SLC9C1: variants seen among roughly 807,000 people sequenced by gnomAD.
SLC9C1 encodes solute carrier family 9 member C1, also known as sodium/hydrogen exchanger 10.
Under a neutral mutation model 140.9 loss-of-function variants are expected in SLC9C1, and 97 were observed. That is an observed-to-expected ratio of 0.69 (90% CI 0.58 to 0.82). The LOEUF is 0.82. SLC9C1 is among the 40% of genes least tolerant of loss of function. The pLI is 0.00. For missense variants in SLC9C1, 1,340 were observed against 1,389.3 expected, an observed-to-expected ratio of 0.96 and a Z score of 0.56; for synonymous variants, 440 against 442.6, an observed-to-expected ratio of 0.99 and a Z score of 0.07.
intron 12 of SLC9C1, among the ~76,000 whole-genome samples, chr3:112,237,223 C>A (rs1414528111): frequency 6.6e-6 from 1 of 152,134 alleles, no homozygotes; most frequent in Non-Finnish European, 1.5e-5. Flanking sequence ...TATGTAATGG[C>A]CTTCTTTGTC....
chr3:112,268,847 T>C lies in SLC9C1; in HGVS notation c.775+1069A>G, dbSNP rs1339593579. ...TAGTACAGGTGAGGTAACTAGGTGT[T>C]ATCTTGCATGTCAATTCCAAATCAT... On this transcript the variant is annotated intron_variant, in intron 7 of 28. Transcript: ENST00000305815. 2.6e-5 allele frequency among the ~76,000 whole-genome samples: 4 copies of C among 152,332 alleles called. 1 individual carries two copies. Among genetic ancestry groups the C allele is most frequent in the South Asian group, 4.1e-4 (2 of 4,826 alleles).
Position 112,231,352 on chromosome 3 carries a change from A to G in SLC9C1, c.1572+9T>C. 6.2e-7 allele frequency: 1 copy of G among 1,612,584 alleles called. No individual in the cohort carries two copies. Among genetic ancestry groups the G allele is most frequent in the Non-Finnish European group, 8.5e-7 (1 of 1,179,384 alleles). ...CCAAACATAATTTCAAAAGAGAATAATACAGTACTATTTGTGCTGACAAGA... is the reference window on the plus strand; with the variant it reads ...CCAAACATAATTTCAAAAGAGAATAGTACAGTACTATTTGTGCTGACAAGA... On this transcript the variant is annotated intron_variant, in intron 13 of 28. Coordinates refer to ENST00000305815, the MANE Select transcript of SLC9C1 (RefSeq NM_183061.3).
intron 16 of SLC9C1, 127 bp from the exon 17 acceptor site, chr3:112,204,530 G>T: frequency 3.2e-6 from 3 of 948,584 alleles, no homozygotes; most frequent in Non-Finnish European, 4.5e-6. Context: ...AATATCCTCA[G>T]GAAACCAAAA....
At chr3:112,253,992 T>G (rs1576454623) in intron 10 of SLC9C1, among the ~76,000 whole-genome samples, 1 of 152,270 alleles carries the variant, frequency 6.6e-6, no homozygotes, top group Admixed American at 6.5e-5. Context: ...GAAAGAATCT[T>G]GGAACTTGAA....
chr3:112,233,197 T>C (rs1237941873), intron 12 of SLC9C1, among the ~76,000 whole-genome samples: 2 of 151,674 alleles, frequency 1.3e-5, no homozygotes, highest in Non-Finnish European at 2.9e-5. Context: ...GTCTCCCGAG[T>C]AGCGGGGACT....
At chr3:112,147,205 G>A (rs149843951) in intron 28 of SLC9C1, among the ~76,000 whole-genome samples, 38 of 152,274 alleles carry the variant, frequency 2.5e-4, no homozygotes, top group East Asian at 1.3e-3. Flanking sequence ...TGTGAGATGC[G>A]TTTCTTGAAG....
chr3:112,185,481 T>C, intron 20 of SLC9C1: 3 of 1,610,228 alleles, frequency 1.9e-6, no homozygotes, highest in Non-Finnish European at 2.5e-6. Flanking sequence ...GGCGCAGAGT[T>C]ACACCTGGCT....
At chr3:112,175,744 G>A (rs1233655904) in intron 23 of SLC9C1, among the ~76,000 whole-genome samples, 2 of 152,200 alleles carry the variant, frequency 1.3e-5, no homozygotes, top group Non-Finnish European at 2.9e-5. Flanking sequence ...TAGTACTGCT[G>A]AGCAGTGCTG....
chr3:112,180,947 G>C (rs1034942220), intron 21 of SLC9C1, among the ~76,000 whole-genome samples: 5 of 152,078 alleles, frequency 3.3e-5, no homozygotes, highest in African/African-American at 7.2e-5. Context: ...GTAGATACGG[G>C]GTTTCACCAC....
rs114553246 is a variant in SLC9C1, at chr3:112,144,882, T to G, written c.3525-3601A>C. 7.3e-3 allele frequency among the ~76,000 whole-genome samples: 1,116 copies of G among 152,326 alleles called. 14 individuals carry two copies. Among genetic ancestry groups the G allele is most frequent in the African/African-American group, 0.025 (1,028 of 41,566 alleles). On this transcript the variant is annotated intron_variant, in intron 28 of 28. Transcript: ENST00000305815. ...GTTTTTTAAATATAAAATCATATTG[T>G]CTGTAAAGAGAGATAGTTTGACTTC...
Position 112,183,349 on chromosome 3 carries a change from C to CTTTTTTTTTTTTT in SLC9C1, c.2524-1104_2524-1092dup, listed in dbSNP as rs200437815. On this transcript the variant is annotated intron_variant, in intron 20 of 28. Coordinates refer to ENST00000305815, the MANE Select transcript of SLC9C1 (RefSeq NM_183061.3). Reference sequence around the variant, plus strand: ...ACGACAATGATATTTAGCACCTTTTCTTTTTTTTTTTTTTTTTTTTTCAGC... The same window carrying CTTTTTTTTTTTTT: ...ACGACAATGATATTTAGCACCTTTTCTTTTTTTTTTTTTTTTTTTTTTTTTTTTTTTTTTCAGC... 1.4e-3 allele frequency among the ~76,000 whole-genome samples: 133 copies of CTTTTTTTTTTTTT among 95,336 alleles called. 19 individuals are homozygous for CTTTTTTTTTTTTT. Among genetic ancestry groups the CTTTTTTTTTTTTT allele is most frequent in the African/African-American group, 3.4e-3 (70 of 20,350 alleles). The allele number at this position is 95,336 out of a possible 152,430, so 62.5% of individuals were successfully genotyped here.
chr3:112,160,875 C>A (rs929794437), intron 26 of SLC9C1, among the ~76,000 whole-genome samples: 14 of 152,218 alleles, frequency 9.2e-5, no homozygotes, highest in African/African-American at 3.4e-4. Context: ...AACTAGTTTA[C>A]AGTCCCACCA....
chr3:112,170,082 G>T (rs2077218065), intron 23 of SLC9C1, among the ~76,000 whole-genome samples: 1 of 152,046 alleles, frequency 6.6e-6, no homozygotes. Flanking sequence ...ATTGGTGTAG[G>T]CAAAGAATTC....
chr3:112,176,128 G>A (rs1414585824), intron 23 of SLC9C1, among the ~76,000 whole-genome samples: 2 of 152,204 alleles, frequency 1.3e-5, no homozygotes, highest in Non-Finnish European at 2.9e-5. Flanking sequence ...AGCTCTGCAT[G>A]TCAGACTGCA....
intron 14 of SLC9C1, among the ~76,000 whole-genome samples, chr3:112,219,709 G>T (rs2078486990): frequency 6.6e-6 from 1 of 152,084 alleles, no homozygotes; most frequent in African/African-American, 2.4e-5. Flanking sequence ...CTCCTGAGTA[G>T]CTGGGACTAC....
chr3:112,291,312 T>G (rs1183281230), intron 1 of SLC9C1, among the ~76,000 whole-genome samples: 1 of 152,150 alleles, frequency 6.6e-6, no homozygotes, highest in African/African-American at 2.4e-5. Context: ...CAAAAGAAAC[T>G]ATCAACAAAG....
chr3:112,182,417 A>G lies in SLC9C1; in HGVS notation c.2524-159T>C, dbSNP rs567649894. 2.6e-5 allele frequency among the ~76,000 whole-genome samples: 4 copies of G among 152,152 alleles called. No individual in the cohort carries two copies. In the South Asian group the frequency reaches 8.3e-4, roughly 32 times the overall value. On this transcript the variant is annotated intron_variant, in intron 20 of 28. Coordinates refer to ENST00000305815, the MANE Select transcript of SLC9C1 (RefSeq NM_183061.3). ...CTCTTTATATCATGATTCTTTTTGT[A>G]TCATCATTATTTTTATTTCTTCCCA...
intron 25 of SLC9C1, 114 bp downstream of exon 25, chr3:112,168,763 G>A (rs1167804604): frequency 5.0e-6 from 5 of 1,007,960 alleles, no homozygotes; most frequent in African/African-American, 3.3e-5. Context: ...GGTGGGAAAA[G>A]GGAGAAGATT....
chr3:112,227,528 T>A (rs2108153397), intron 13 of SLC9C1, among the ~76,000 whole-genome samples: 1 of 152,214 alleles, frequency 6.6e-6, no homozygotes, highest in East Asian at 1.9e-4. Flanking sequence ...TTGATAAAAT[T>A]CAGCATTGTT....
Sources: allele counts gnomAD v4.1 joint callset (sites outside exome capture counted in the v4.1 genomes callset), GRCh38; gene constraint gnomAD v4.1.1; transcripts MANE v1.5; gene names NCBI Gene and HGNC (gene_info 2026-07-23, HGNC 2026-07-21).